Variants in DIP2B observed in about 807,000 individuals in gnomAD.
DIP2B encodes DIP2 acetate--CoA ligase B (putative).
Under a neutral mutation model 198.0 loss-of-function variants are expected in DIP2B, and 76 were observed. The observed-to-expected ratio is 0.38, with a 90% CI of 0.32 to 0.46. The LOEUF (loss-of-function observed/expected upper bound fraction) is 0.46, where lower values mean the gene tolerates loss of function less well. Among genes scored for constraint, DIP2B ranks in the 20% least tolerant of loss-of-function variants. The pLI is 0.99. For missense variants in DIP2B, 1,559 were observed against 1,978.4 expected (o/e 0.79, Z 4.02); for synonymous variants, 701 against 739.1 (o/e 0.95, Z 0.84).
At chr12:50,692,182 T>C (rs1939233860) in intron 13 of DIP2B, among the ~76,000 whole-genome samples, 1 of 152,144 alleles carries the variant, frequency 6.6e-6, no homozygotes, top group Admixed American at 6.5e-5. Context: ...AGGAACAAGT[T>C]AGATACCAAG....
chr12:50,578,534 G>A (rs1454345043), intron 1 of DIP2B, among the ~76,000 whole-genome samples: 1 of 129,570 alleles, frequency 7.7e-6, no homozygotes, highest in African/African-American at 3.0e-5. Flanking sequence ...TTGAGACGGA[G>A]TCTCGCTCTG....
chr12:50,736,533 A>G (rs541655542), intron 34 of DIP2B, among the ~76,000 whole-genome samples: 54 of 152,190 alleles, frequency 3.5e-4, no homozygotes, highest in Admixed American at 1.4e-3. Flanking sequence ...TCCTAGGGTC[A>G]AGGATATCCT....
Position 50,714,482 on chromosome 12 carries a change from C to T in DIP2B, c.2737C>T (p.His913Tyr). ...GCCAAAAACTCCACTAGGAGGAATC[C>T]ATATATCTCAGACGAAACAACTCTT... is the stretch of plus-strand genomic sequence containing the variant. ...TLPKTPLGGI[H>Y]ISQTKQLFLE... The change falls in exon 23 of 38, where the codon CAT (histidine) becomes TAT (tyrosine). Residue 913 changes from histidine (H) to tyrosine (Y), a missense_variant. By Grantham distance (83) the His-to-Tyr change is moderately conservative. Coordinates refer to ENST00000301180, the MANE Select transcript of DIP2B (RefSeq NM_173602.3). The T allele has an allele frequency of 6.2e-7, 1 of 1,614,152 alleles. No individual in the cohort carries two copies. The highest frequency in any genetic ancestry group is 1.3e-5 in the African/African-American group (1 of 75,020).
chr12:50,587,060 G>T (rs987193009), intron 1 of DIP2B, among the ~76,000 whole-genome samples: 1 of 152,122 alleles, frequency 6.6e-6, no homozygotes, highest in Admixed American at 6.5e-5. Context: ...TGAACCATGG[G>T]TGAGTGTATT....
chr12:50,739,105 G>C (rs2139606020), intron 35 of DIP2B, among the ~76,000 whole-genome samples: 1 of 152,354 alleles, frequency 6.6e-6, no homozygotes, highest in South Asian at 2.1e-4. Flanking sequence ...GGCCTCCGGA[G>C]CCACACGGGC....
intron 34 of DIP2B, among the ~76,000 whole-genome samples, 189 bp from the exon 35 acceptor site, chr12:50,736,847 G>A (rs2139603578): frequency 6.6e-6 from 1 of 152,326 alleles, no homozygotes; most frequent in African/African-American, 2.4e-5. Flanking sequence ...AATGAACTGA[G>A]GAAGGTTCAG....
At chr12:50,665,047 G>A (rs577752377) in intron 4 of DIP2B, among the ~76,000 whole-genome samples, 1 of 151,816 alleles carries the variant, frequency 6.6e-6, no homozygotes, top group South Asian at 2.1e-4. Flanking sequence ...TGGAGATGGG[G>A]TCTCACTGTG....
chr12:50,632,956 A>T (rs1314245929), intron 2 of DIP2B, among the ~76,000 whole-genome samples: 1 of 151,702 alleles, frequency 6.6e-6, no homozygotes, highest in Non-Finnish European at 1.5e-5. Flanking sequence ...AAAAAAAAAA[A>T]TAATTAGAGA....
chr12:50,687,707 G>A (rs187774427), intron 12 of DIP2B, among the ~76,000 whole-genome samples: 50 of 152,112 alleles, frequency 3.3e-4, no homozygotes, highest in Non-Finnish European at 3.5e-4. Context: ...ACACAGGGAG[G>A]GGAATATCAC....
intron 1 of DIP2B, among the ~76,000 whole-genome samples, chr12:50,624,138 TAA>T (rs1474932616): frequency 6.6e-6 from 1 of 152,242 alleles, no homozygotes; most frequent in Non-Finnish European, 1.5e-5. Flanking sequence ...CAAATTACTC[TAA>T]GAGGATTGTA....
chr12:50,655,681 G>A (rs949350419), intron 3 of DIP2B, among the ~76,000 whole-genome samples: 3 of 152,174 alleles, frequency 2.0e-5, no homozygotes, highest in Non-Finnish European at 4.4e-5. Context: ...TCATATTGAC[G>A]TAAGATAGCA....
intron 1 of DIP2B, among the ~76,000 whole-genome samples, chr12:50,583,449 C>T (rs572812593): frequency 6.6e-6 from 1 of 152,292 alleles, no homozygotes; most frequent in East Asian, 1.9e-4. Context: ...GCGCTTACTG[C>T]TTCTGTGGTC....
rs746919234 is a variant in DIP2B at position 50,734,155 on chromosome 12, G to A, written c.4002G>A (p.Pro1334=). 36 of 1,613,966 alleles carry A rather than the reference G, an allele frequency of 2.2e-5. No individual in the cohort carries two copies. The highest frequency in any genetic ancestry group is 1.4e-4 in the South Asian group (13 of 91,064). Residue 1334 remains proline (P), a synonymous_variant, in exon 33 of 38, where the codon CCG becomes CCA. Coordinates refer to ENST00000301180, the MANE Select transcript of DIP2B (RefSeq NM_173602.3). ...TTTAGGGAACCTCAGGGCCTGATCC[G>A]ACTACTGTGTATGTGGATCTGAAAT... The part of the protein sequence containing the change: ...ICLQGTSGPD[P]TTVYVDLKSL...
At chr12:50,717,427 G>A (rs1289919143) in intron 23 of DIP2B, among the ~76,000 whole-genome samples, 6 of 138,524 alleles carry the variant, frequency 4.3e-5, no homozygotes, top group South Asian at 4.6e-4. Flanking sequence ...GTGCAGTGGC[G>A]CGATCTTGGC....
chr12:50,685,796 C>T (rs756266951), intron 10 of DIP2B, 37 bp from the exon 11 acceptor site: 10 of 1,598,560 alleles, frequency 6.3e-6, no homozygotes, highest in Middle Eastern at 1.7e-4. Context: ...TGCTCACATT[C>T]GCTCCCCTAC....
intron 1 of DIP2B, among the ~76,000 whole-genome samples, chr12:50,518,362 T>A (rs1211306748): frequency 6.6e-6 from 1 of 152,074 alleles, no homozygotes. Context: ...GTAGCTGGGA[T>A]TACAGGCACC....
intron 35 of DIP2B, among the ~76,000 whole-genome samples, chr12:50,738,428 G>A (rs1192044708): frequency 6.6e-6 from 1 of 152,118 alleles, no homozygotes; most frequent in Non-Finnish European, 1.5e-5. Context: ...ACTCCACTTT[G>A]AGGCCAGGAG....
At chr12:50,648,138 A>G (rs1437318126) in intron 3 of DIP2B, among the ~76,000 whole-genome samples, 1 of 152,050 alleles carries the variant, frequency 6.6e-6, no homozygotes, top group Non-Finnish European at 1.5e-5. Flanking sequence ...ACAAACAAAA[A>G]CCAAAAGAAT....
chr12:50,617,250 G>A (rs1028836368), intron 1 of DIP2B, among the ~76,000 whole-genome samples: 2 of 151,620 alleles, frequency 1.3e-5, no homozygotes, highest in Non-Finnish European at 2.9e-5. Flanking sequence ...CCACCTCCCG[G>A]GTTCATGCCA....
Sources: allele counts gnomAD v4.1 joint callset (sites outside exome capture counted in the v4.1 genomes callset), GRCh38; gene constraint gnomAD v4.1.1; transcripts MANE v1.5; gene names NCBI Gene and HGNC (gene_info 2026-07-23, HGNC 2026-07-21).